The following PDLIM3 variants were observed in gnomAD, a reference collection of about 807,000 sequenced individuals.
PDLIM3 encodes PDZ and LIM domain 3.
Under a neutral mutation model 37.3 loss-of-function variants are expected in PDLIM3, and 36 were observed. The observed-to-expected ratio is 0.97, with a 90% CI of 0.74 to 1.28. The LOEUF is 1.28. Among genes scored for constraint, PDLIM3 ranks in the 50% most tolerant of loss-of-function variants. PDLIM3 has a pLI of 0.00. For missense variants in PDLIM3, 454 were observed against 485.0 expected (o/e 0.94, Z 0.60); for synonymous variants, 174 against 182.4 (o/e 0.95, Z 0.37).
At position 185,501,731 on chromosome 4, in the gene PDLIM3, G is replaced by A. The variant is rs2095687321; in HGVS notation, c.*563C>T. 6.4e-6 allele frequency: 1 copy of A among 155,416 alleles called. No individual in the cohort carries two copies. The highest frequency in any genetic ancestry group is 1.4e-5 in the Non-Finnish European group (1 of 70,042). The allele number at this position is 155,416 out of a possible 1,614,324, so 9.6% of individuals were successfully genotyped here. A position where few individuals can be genotyped will look rare whatever the true frequency, so the allele number is the denominator to read the frequency against. On this transcript the variant is annotated 3_prime_UTR_variant, in exon 8 of 8. Transcript: ENST00000284767. ...AATGTTGATTTTATTTGAATTCAAT[G>A]AATGCCACTTCATTAGGTATTTTTT... is the stretch of plus-strand genomic sequence containing the variant.
rs1415048886 is a variant in PDLIM3, at chr4:185,500,950, G to A, written c.*1344C>T. On this transcript the variant is annotated 3_prime_UTR_variant, in exon 8 of 8. Coordinates refer to ENST00000284767, the MANE Select transcript of PDLIM3 (RefSeq NM_014476.6). Reference sequence around the variant, plus strand: ...TAGAGATGACCATGTGACACAAGGTGGTGAGACAGAGGGTCTGAGGGTCCC... The same window carrying A: ...TAGAGATGACCATGTGACACAAGGTAGTGAGACAGAGGGTCTGAGGGTCCC... 6.6e-6 allele frequency: 1 copy of A among 152,502 alleles called. No homozygotes were observed. Among genetic ancestry groups the A allele is most frequent in the Non-Finnish European group, 1.5e-5 (1 of 68,260 alleles). 9.4% of individuals were successfully genotyped at this position (152,502 alleles called of 1,614,324 possible).
At chr4:185,523,517 C>A in intron 2 of PDLIM3, 71 bp from the exon 3 acceptor site, 1 of 984,878 alleles carries the variant, frequency 1.0e-6, no homozygotes, top group African/African-American at 1.6e-5. Flanking sequence ...CTTTAGTTTC[C>A]CATTATGTTT....
chr4:185,504,531 G>A lies in PDLIM3; in HGVS notation c.849C>T (p.Gly283=), dbSNP rs61734675. Reference sequence around the variant, plus strand: ...GCATCCTCTGTGCCCCGCCTGAACCGCCATGGACTTTCGTCACCGGAGCTC... The same window carrying A: ...GCATCCTCTGTGCCCCGCCTGAACCACCATGGACTTTCGTCACCGGAGCTC... ...SVRAPVTKVH[G]GSGGAQRMPL... The change falls in exon 7 of 8, where the codon GGC becomes GGT. Residue 283 remains glycine, a synonymous_variant. Coordinates refer to ENST00000284767, the MANE Select transcript of PDLIM3 (RefSeq NM_014476.6). This position sits in a 1 kb window ranked among gnomAD's most constrained non-coding sequence, Gnocchi z 4.7. 1.5e-3 allele frequency: 2,433 copies of A among 1,614,116 alleles called. 20 individuals carry two copies. The African/African-American group carries it at 0.025, about 17-fold the overall frequency.
chr4:185,508,401 T>A lies in PDLIM3; in HGVS notation c.560A>T (p.His187Leu). The change falls in exon 5 of 8, where the codon CAT becomes CTT. Residue 187 changes from histidine (H) to leucine (L), a missense_variant. Coordinates refer to ENST00000284767, the MANE Select transcript of PDLIM3 (RefSeq NM_014476.6). ...CTGCATAGGTGTATTAAACTGAGCA[T>A]GTACAATCTTCACACCAGGAAGTTC... ...EMELPGVKIV[H>L]AQFNTPMQLY... The A allele has an allele frequency of 6.2e-7, 1 of 1,614,196 alleles. No homozygotes were observed. The highest frequency in any genetic ancestry group is 1.1e-5 in the South Asian group (1 of 91,080).
intron 2 of PDLIM3, among the ~76,000 whole-genome samples, 169 bp from the exon 3 acceptor site, chr4:185,523,615 T>TCC (rs11362426): frequency 5.5e-5 from 8 of 145,748 alleles, no homozygotes; most frequent in Non-Finnish European, 7.5e-5. Context: ...TAATTAGTCT[T>TCC]CCCCCCCCCT....
At position 185,514,165 on chromosome 4, in the gene PDLIM3, T is replaced by G. The variant is rs188314433; in HGVS notation, c.398+105A>C. 80 of 1,604,092 alleles carry G rather than the reference T, an allele frequency of 5.0e-5. No homozygotes were observed. The East Asian group carries it at 1.6e-3, about 33-fold the overall frequency. On this transcript the variant is annotated intron_variant, in intron 4 of 7. Transcript: ENST00000284767. The surrounding 1 kb of genome is among the most constrained non-coding windows in gnomAD (Gnocchi z 4.0). ...TTTGCTTTTGAAATAAGCTTCGCAA[T>G]GAGAAAAGCCACTCCAAACATCTAC...
chr4:185,510,483 C>T (rs544537065), intron 4 of PDLIM3, among the ~76,000 whole-genome samples: 27 of 152,192 alleles, frequency 1.8e-4, no homozygotes, highest in African/African-American at 5.5e-4. Flanking sequence ...ACTGTTGAAC[C>T]GAAGTTTTAC....
At chr4:185,529,886 T>A (rs182182762) in intron 1 of PDLIM3, among the ~76,000 whole-genome samples, 215 of 152,358 alleles carry the variant, frequency 1.4e-3, no homozygotes, top group African/African-American at 5.0e-3. Flanking sequence ...CCTCGCTCTA[T>A]AGCTCAGAAT....
intron 1 of PDLIM3, among the ~76,000 whole-genome samples, chr4:185,530,991 C>T (rs868315525): frequency 6.7e-6 from 1 of 148,602 alleles, no homozygotes; most frequent in African/African-American, 2.5e-5. Flanking sequence ...CACACACATA[C>T]ACACACACAC....
At chr4:185,533,522 GAATT>G (rs1224193582) in intron 1 of PDLIM3, among the ~76,000 whole-genome samples, 1 of 152,052 alleles carries the variant, frequency 6.6e-6, no homozygotes, top group Admixed American at 6.5e-5. Context: ...TGCTGTCCTA[GAATT>G]AATTAAAGAG....
intron 3 of PDLIM3, among the ~76,000 whole-genome samples, chr4:185,521,876 G>A (rs1304775890): frequency 1.5e-5 from 1 of 65,654 alleles, no homozygotes; most frequent in African/African-American, 2.8e-5. Context: ...TATTGAGCTG[G>A]AGGGACTCAG....
Position 185,502,137 on chromosome 4 carries a change from T to G in PDLIM3, c.*157A>C. The G allele has an allele frequency of 1.3e-6, 1 of 785,150 alleles. No individual in the cohort carries two copies. The highest frequency in any genetic ancestry group is 1.7e-5 in the African/African-American group (1 of 58,186). 48.6% of individuals were successfully genotyped at this position (785,150 alleles called of 1,614,324 possible). On this transcript the variant is annotated 3_prime_UTR_variant, in exon 8 of 8. Coordinates refer to ENST00000284767, the MANE Select transcript of PDLIM3 (RefSeq NM_014476.6). Reference sequence around the variant, plus strand: ...TCACATAGCAGGCATTTGCCTCCCATTCCTTTTCCTCAATAAACAATAGGA... The same window carrying G: ...TCACATAGCAGGCATTTGCCTCCCAGTCCTTTTCCTCAATAAACAATAGGA...
intron 1 of PDLIM3, 33 bp downstream of exon 1, chr4:185,535,309 C>T: frequency 1.3e-6 from 2 of 1,572,002 alleles, no homozygotes; most frequent in Non-Finnish European, 1.7e-6. Flanking sequence ...GGAGTCCCCA[C>T]CTCGCAGCAA....
At chr4:185,513,912 C>A in intron 4 of PDLIM3, 1 of 1,192,792 alleles carries the variant, frequency 8.4e-7, no homozygotes, top group Non-Finnish European at 1.1e-6. Context: ...GGGCTGGTTT[C>A]CATGCTCGCT....
In PDLIM3 at chr4:185,501,984, T is replaced by C. The variant is rs939736973; in HGVS notation, c.*310A>G. The C allele has an allele frequency of 7.4e-6, 3 of 406,204 alleles. No homozygotes were observed. The highest frequency in any genetic ancestry group is 7.5e-4 in the Middle Eastern group (1 of 1,334). 25.2% of individuals were successfully genotyped at this position (406,204 alleles called of 1,614,324 possible). Reference sequence around the variant, plus strand: ...TTAGAGTCCTTCAAATATCTTGATGTTTATGTGTTTGATGGCTGTAATATA... The same window carrying C: ...TTAGAGTCCTTCAAATATCTTGATGCTTATGTGTTTGATGGCTGTAATATA... On this transcript the variant is annotated 3_prime_UTR_variant, in exon 8 of 8. Coordinates refer to ENST00000284767, the MANE Select transcript of PDLIM3 (RefSeq NM_014476.6).
intron 5 of PDLIM3, 28 bp from the exon 6 acceptor site, chr4:185,506,680 C>T (rs766963265): frequency 8.8e-5 from 140 of 1,599,926 alleles, no homozygotes; most frequent in Non-Finnish European, 4.2e-5. Flanking sequence ...CGGGGAGCAT[C>T]GTCAGGTGCT....
intron 1 of PDLIM3, among the ~76,000 whole-genome samples, chr4:185,525,726 C>G (rs990034488): frequency 1.3e-5 from 2 of 152,076 alleles, no homozygotes; most frequent in African/African-American, 4.8e-5. Flanking sequence ...AAGTGAGGAG[C>G]CCTCATGAAT....
intron 4 of PDLIM3, among the ~76,000 whole-genome samples, chr4:185,509,356 T>C (rs1268345000): frequency 6.6e-6 from 1 of 152,196 alleles, no homozygotes; most frequent in Non-Finnish European, 1.5e-5. Flanking sequence ...ATGCTTATAT[T>C]TCTTACATAG....
intron 1 of PDLIM3, among the ~76,000 whole-genome samples, chr4:185,533,080 C>A (rs988556576): frequency 1.3e-5 from 2 of 152,054 alleles, no homozygotes; most frequent in Non-Finnish European, 2.9e-5. Context: ...TCTTTTGAAG[C>A]CTCATTCTCC....
Sources: gnomAD v4.1 joint callset for allele counts (sites outside exome capture counted in the v4.1 genomes callset) on GRCh38, gnomAD v4.1.1 for gene constraint, Gnocchi (gnomAD v3.1) non-coding constraint, MANE v1.5 for transcripts, NCBI Gene and HGNC (gene_info 2026-07-23, HGNC 2026-07-21) for gene names.